Variants in ANKRD33B observed in about 807,000 individuals in gnomAD.
The protein encoded by ANKRD33B is ankyrin repeat domain-containing protein 33B.
A neutral mutation model predicts 21.5 loss-of-function variants in ANKRD33B; 6 were observed. The observed-to-expected ratio is 0.28, with a 90% CI of 0.15 to 0.55. The LOEUF is 0.55. ANKRD33B is among the 20% of genes least tolerant of loss of function. ANKRD33B has a pLI of 0.94. For synonymous variants in ANKRD33B, 347 were observed against 342.4 expected (o/e 1.01, Z -0.15); for missense variants, 698 against 747.2 (o/e 0.93, Z 0.77).
intron 1 of ANKRD33B, among the ~76,000 whole-genome samples, chr5:10,573,047 A>G (rs534726215): frequency 2.0e-5 from 3 of 152,256 alleles, no homozygotes; most frequent in South Asian, 4.1e-4. Flanking sequence ...CTCCAATCCA[A>G]TCAGTTGCCA....
At chr5:10,610,459 A>C (rs1736146207) in intron 1 of ANKRD33B, among the ~76,000 whole-genome samples, 1 of 151,888 alleles carries the variant, frequency 6.6e-6, no homozygotes, top group Admixed American at 6.5e-5. Context: ...CCTGGTCGAA[A>C]AACTGACACA....
intron 1 of ANKRD33B, among the ~76,000 whole-genome samples, chr5:10,594,000 G>A (rs1579722576): frequency 6.6e-6 from 1 of 152,164 alleles, no homozygotes; most frequent in Non-Finnish European, 1.5e-5. Context: ...AAAGCCTAGA[G>A]ACTCAACAGC....
intron 1 of ANKRD33B, among the ~76,000 whole-genome samples, chr5:10,607,700 A>G (rs754835706): frequency 3.1e-4 from 47 of 152,234 alleles, no homozygotes; most frequent in Non-Finnish European, 5.9e-4. Flanking sequence ...ACTGTATATG[A>G]TAAGTGGAAG....
At chr5:10,578,797 AC>A (rs1735377764) in intron 1 of ANKRD33B, among the ~76,000 whole-genome samples, 1 of 152,120 alleles carries the variant, frequency 6.6e-6, no homozygotes, top group Admixed American at 6.6e-5. Context: ...AAAACCCCAA[AC>A]CTATCTCATT....
intron 2 of ANKRD33B, among the ~76,000 whole-genome samples, chr5:10,636,794 C>G (rs1736877007): frequency 6.6e-6 from 1 of 152,226 alleles, no homozygotes; most frequent in African/African-American, 2.4e-5. Context: ...GAAGCTCTTT[C>G]CACCAGGTGT....
In ANKRD33B at chr5:10,649,490, C is replaced by G; in HGVS notation, c.862C>G (p.Leu288Val). Residue 288 changes from leucine to valine, a missense_variant, in exon 4 of 4, where the codon CTG becomes GTG. By Grantham distance (32) the Leu-to-Val change is conservative. Around this residue, in one of 3 missense-constraint regions of ANKRD33B, gnomAD observed 543 missense variants for 566.5 expected, o/e 0.96. Coordinates refer to ENST00000296657, the MANE Select transcript of ANKRD33B (RefSeq NM_001164440.2). Reference sequence around the variant, plus strand: ...CCTGCAGAGGCTCACAGACTGCGTGCTGTCCGTGCTGACGCCGCGCTCCGT... The same window carrying G: ...CCTGCAGAGGCTCACAGACTGCGTGGTGTCCGTGCTGACGCCGCGCTCCGT... ...NCLQRLTDCV[L>V]SVLTPRSVRG... 2 of 1,535,064 alleles carry G rather than the reference C, an allele frequency of 1.3e-6. No homozygotes were observed. The highest frequency in any genetic ancestry group is 1.7e-6 in the Non-Finnish European group (2 of 1,146,308).
chr5:10,629,917 ATT>A (rs1736666808), intron 2 of ANKRD33B, among the ~76,000 whole-genome samples: 1 of 152,208 alleles, frequency 6.6e-6, no homozygotes, highest in South Asian at 2.1e-4. Flanking sequence ...ACTGAGTCTC[ATT>A]GTAAGAAGGT....
chr5:10,601,432 AT>A, intron 1 of ANKRD33B, among the ~76,000 whole-genome samples: 1 of 152,190 alleles, frequency 6.6e-6, no homozygotes, highest in South Asian at 2.1e-4. Flanking sequence ...ACCTCCCACC[AT>A]TGCTTGGCTA....
intron 1 of ANKRD33B, among the ~76,000 whole-genome samples, chr5:10,565,839 C>T (rs1579704680): frequency 6.6e-6 from 1 of 152,332 alleles, no homozygotes; most frequent in East Asian, 1.9e-4. Flanking sequence ...GTGGTATCTG[C>T]AGATGCAGCC....
chr5:10,592,827 G>A (rs983421274), intron 1 of ANKRD33B, among the ~76,000 whole-genome samples: 4 of 152,092 alleles, frequency 2.6e-5, no homozygotes, highest in Non-Finnish European at 5.9e-5. Flanking sequence ...GTCCATTTGA[G>A]GCAGTGGAGA....
At chr5:10,639,082 A>C (rs13182521) in intron 3 of ANKRD33B, among the ~76,000 whole-genome samples, 1 of 68,636 alleles carries the variant, frequency 1.5e-5, no homozygotes, top group African/African-American at 4.8e-5. Context: ...GGTGACGCGG[A>C]GTTGCGCGGC....
intron 1 of ANKRD33B, among the ~76,000 whole-genome samples, chr5:10,610,976 G>A (rs1397046093): frequency 6.6e-6 from 1 of 152,188 alleles, no homozygotes; most frequent in African/African-American, 2.4e-5. Context: ...CCTGGGGGGC[G>A]GAGGTTGCGG....
At chr5:10,570,180 A>G (rs1735147058) in intron 1 of ANKRD33B, among the ~76,000 whole-genome samples, 1 of 151,938 alleles carries the variant, frequency 6.6e-6, no homozygotes, top group African/African-American at 2.4e-5. Flanking sequence ...CCCAGCCCCC[A>G]TGTGTTTTTG....
intron 2 of ANKRD33B, among the ~76,000 whole-genome samples, chr5:10,630,884 A>AAAG (rs200011949): frequency 0.02 from 3,005 of 151,328 alleles, 117 homozygotes; most frequent in African/African-American, 0.067. Context: ...AAAAAAAAAA[A>AAAG]AAGAAGAAGA....
intron 3 of ANKRD33B, 94 bp downstream of exon 3, chr5:10,638,262 A>G (rs1006977960): frequency 3.7e-5 from 51 of 1,376,104 alleles, no homozygotes; most frequent in Non-Finnish European, 4.8e-5. Flanking sequence ...ACTCCCATAG[A>G]AACAATGCCT....
At position 10,649,351 on chromosome 5, in the gene ANKRD33B, T is replaced by A. The variant is rs1471002042; in HGVS notation, c.723T>A (p.Arg241=). 2.0e-6 allele frequency: 3 copies of A among 1,535,430 alleles called. No homozygotes were observed. Among genetic ancestry groups the A allele is most frequent in the Admixed American group, 2.0e-5 (1 of 50,982 alleles). ...ACACGGGCCGCGTGGATGCCGTCCG[T>A]CTCATGCAGAGGCTGCTGGAGCGCC... ...ATYTGRVDAV[R]LMQRLLERPC... is the part of the protein sequence containing the mutation. The change falls in exon 4 of 4, where the codon CGT becomes CGA. Residue 241 remains arginine, a synonymous_variant. Coordinates refer to ENST00000296657, the MANE Select transcript of ANKRD33B (RefSeq NM_001164440.2).
At chr5:10,591,521 C>T (rs1735692020) in intron 1 of ANKRD33B, among the ~76,000 whole-genome samples, 1 of 145,700 alleles carries the variant, frequency 6.9e-6, no homozygotes, top group African/African-American at 2.5e-5. Context: ...TCATTTCAGC[C>T]TGAGATGTGA....
rs1433522248 is a variant in ANKRD33B at position 10,653,065 on chromosome 5, T to G, written c.*2952T>G. 1 of 177,338 alleles carries G rather than the reference T, an allele frequency of 5.6e-6. No homozygotes were observed. Among genetic ancestry groups the G allele is most frequent in the African/African-American group, 2.4e-5 (1 of 42,290 alleles). The allele number at this position is 177,338 out of a possible 1,614,324, so 11.0% of individuals were successfully genotyped here. A position where few individuals can be genotyped will look rare whatever the true frequency, so the allele number is the denominator to read the frequency against. On this transcript the variant is annotated 3_prime_UTR_variant, in exon 4 of 4. Coordinates refer to ENST00000296657, the MANE Select transcript of ANKRD33B (RefSeq NM_001164440.2). ...TGGCCTCAGTGGAAAGATTGGATTT[T>G]GAAACCTGCCAGACCCAACTGAAAG... is the stretch of plus-strand genomic sequence containing the variant.
intron 2 of ANKRD33B, among the ~76,000 whole-genome samples, chr5:10,618,737 G>A (rs1736346152): frequency 6.6e-6 from 1 of 152,176 alleles, no homozygotes; most frequent in Non-Finnish European, 1.5e-5. Context: ...CGCTTCACCT[G>A]AAGCCTCACA....
Sources: allele counts gnomAD v4.1 joint callset (sites outside exome capture counted in the v4.1 genomes callset), GRCh38; gene constraint gnomAD v4.1.1; regional missense constraint gnomAD v4.1.1; transcripts MANE v1.5; gene names NCBI Gene and HGNC (gene_info 2026-07-23, HGNC 2026-07-21).